NOL10: variants seen among roughly 807,000 people sequenced by gnomAD.
The protein encoded by NOL10 is H_NH0074G24.1.
In NOL10, 58 loss-of-function variants were observed where a neutral mutation model predicts 103.5. The observed-to-expected ratio is 0.56, with a 90% CI of 0.45 to 0.70. The LOEUF (loss-of-function observed/expected upper bound fraction) is 0.70. Among genes scored for constraint, NOL10 ranks in the 30% least tolerant of loss-of-function variants. The pLI is 0.00. For missense variants in NOL10, 763 were observed against 807.3 expected (o/e 0.95, Z 0.67); for synonymous variants, 287 against 282.5 (o/e 1.02, Z -0.16).
intron 4 of NOL10, among the ~76,000 whole-genome samples, chr2:10,674,452 G>A (rs2148348265): frequency 6.6e-6 from 1 of 152,262 alleles, no homozygotes; most frequent in Non-Finnish European, 1.5e-5. Flanking sequence ...CCTTGAGAGT[G>A]TGGGTAGAAA....
At chr2:10,580,673 T>C (rs1366493642) in intron 19 of NOL10, among the ~76,000 whole-genome samples, 1 of 142,474 alleles carries the variant, frequency 7.0e-6, no homozygotes, top group Non-Finnish European at 1.5e-5. Context: ...AGGAAGAAAA[T>C]CAAATTAAAT....
At chr2:10,666,352 C>CA (rs2148332795) in intron 8 of NOL10, among the ~76,000 whole-genome samples, 1 of 152,028 alleles carries the variant, frequency 6.6e-6, no homozygotes, top group South Asian at 2.1e-4. Context: ...TGTAAACTAT[C>CA]ATTTTTTTTT....
At chr2:10,595,864 C>T (rs1572257388) in intron 17 of NOL10, among the ~76,000 whole-genome samples, 2 of 151,952 alleles carry the variant, frequency 1.3e-5, no homozygotes, top group African/African-American at 4.8e-5. Context: ...CTTGGCCTCC[C>T]GAAGTGCTGG....
intron 12 of NOL10, among the ~76,000 whole-genome samples, chr2:10,650,776 G>C (rs1558322536): frequency 6.6e-6 from 1 of 152,078 alleles, no homozygotes; most frequent in Non-Finnish European, 1.5e-5. Flanking sequence ...AATAAATACA[G>C]ACCAGGCGAA....
chr2:10,592,713 T>A (rs1349680713), intron 17 of NOL10, among the ~76,000 whole-genome samples: 2 of 152,238 alleles, frequency 1.3e-5, no homozygotes, highest in Non-Finnish European at 2.9e-5. Flanking sequence ...ATGTTGCTGG[T>A]ATTAAGATTT....
At chr2:10,618,991 T>C (rs1336565556) in intron 13 of NOL10, among the ~76,000 whole-genome samples, 3 of 152,212 alleles carry the variant, frequency 2.0e-5, no homozygotes, top group Non-Finnish European at 4.4e-5. Context: ...TGCTGAAAAC[T>C]AAATTCACGT....
chr2:10,594,009 T>C (rs900102792), intron 17 of NOL10, among the ~76,000 whole-genome samples: 1 of 152,224 alleles, frequency 6.6e-6, no homozygotes, highest in Non-Finnish European at 1.5e-5. Flanking sequence ...AGAGTTTTCA[T>C]TCAGTTTTTT....
intron 19 of NOL10, among the ~76,000 whole-genome samples, chr2:10,588,203 G>T (rs760428936): frequency 6.6e-6 from 1 of 152,126 alleles, no homozygotes; most frequent in African/African-American, 2.4e-5. Flanking sequence ...TTTGGGGAAG[G>T]TTAATTTTTT....
intron 13 of NOL10, among the ~76,000 whole-genome samples, chr2:10,636,420 C>CAAAAAAAAAAAAA (rs70953327): frequency 1.5e-4 from 8 of 54,698 alleles, no homozygotes; most frequent in African/African-American, 3.0e-4. Context: ...TACAAAAAAC[C>CAAAAAAAAAAAAA]AAAAAAAAAA....
chr2:10,677,335 T>C (rs1284308315), intron 3 of NOL10, among the ~76,000 whole-genome samples: 3 of 152,164 alleles, frequency 2.0e-5, no homozygotes, highest in Non-Finnish European at 4.4e-5. Flanking sequence ...TCATATTTTA[T>C]GTTATGTATT....
At chr2:10,688,588 CTT>C (rs1159762914) in intron 1 of NOL10, among the ~76,000 whole-genome samples, 1 of 152,232 alleles carries the variant, frequency 6.6e-6, no homozygotes, top group East Asian at 1.9e-4. Flanking sequence ...ATCCAAAACA[CTT>C]TCTCTCAATA....
chr2:10,625,174 T>A (rs1257325411), intron 13 of NOL10, among the ~76,000 whole-genome samples: 1 of 152,136 alleles, frequency 6.6e-6, no homozygotes, highest in South Asian at 2.1e-4. Context: ...GGGAGACTAT[T>A]CTATGTGATA....
At position 10,584,858 on chromosome 2, in the gene NOL10, C is replaced by T. The variant is rs527569911; in HGVS notation, c.1844+4185G>A. Among the ~76,000 whole-genome samples the T allele has an allele frequency of 7.1e-4, 108 of 152,298 alleles. 1 individual carries two copies. Among genetic ancestry groups the T allele is most frequent in the African/African-American group, 2.5e-3 (103 of 41,546 alleles). ...ATGTTTAACTGCAGTTTATTCACCT[C>T]GCTATGGGTTATTCTTAGATACAAA... On this transcript the variant is annotated intron_variant, in intron 19 of 20. Transcript: ENST00000381685.
chr2:10,590,485 G>A (rs1675335184), intron 17 of NOL10, among the ~76,000 whole-genome samples: 1 of 152,290 alleles, frequency 6.6e-6, no homozygotes, highest in Non-Finnish European at 1.5e-5. Context: ...ACTGGGAGAG[G>A]AGGTATACAA....
intron 8 of NOL10, among the ~76,000 whole-genome samples, chr2:10,664,153 G>A (rs185477861): frequency 6.6e-5 from 10 of 151,768 alleles, no homozygotes; most frequent in Non-Finnish European, 1.3e-4. Context: ...AGAACAGGCC[G>A]GGCATGGTGG....
intron 1 of NOL10, 21 bp downstream of exon 1, chr2:10,689,775 G>A (rs1393380174): frequency 6.3e-7 from 1 of 1,592,478 alleles, no homozygotes; most frequent in South Asian, 1.1e-5. Context: ...TCGAGAGTGA[G>A]GGGGCCGGGA....
chr2:10,585,106 GTGTT>G, intron 19 of NOL10, among the ~76,000 whole-genome samples: 1 of 152,128 alleles, frequency 6.6e-6, no homozygotes, highest in Non-Finnish European at 1.5e-5. Flanking sequence ...GTTGCCTGAT[GTGTT>G]GTCATGGCAA....
chr2:10,672,870 G>A (rs1225273198), intron 5 of NOL10, among the ~76,000 whole-genome samples: 1 of 152,096 alleles, frequency 6.6e-6, no homozygotes, highest in Non-Finnish European at 1.5e-5. Flanking sequence ...GCACATGCCT[G>A]TAGTTCCAGC....
chr2:10,585,866 C>G (rs1383381629), intron 19 of NOL10, among the ~76,000 whole-genome samples: 1 of 152,158 alleles, frequency 6.6e-6, no homozygotes, highest in Non-Finnish European at 1.5e-5. Flanking sequence ...ACGTTCAGTA[C>G]AGTTACAAAT....
Sources: gnomAD v4.1 joint callset for allele counts (sites outside exome capture counted in the v4.1 genomes callset) on GRCh38, gnomAD v4.1.1 for gene constraint, MANE v1.5 for transcripts, NCBI Gene and HGNC (gene_info 2026-07-23, HGNC 2026-07-21) for gene names.